ATP1A2: variants seen among roughly 807,000 people sequenced by gnomAD.
ATP1A2 encodes the protein ATPase Na+/K+ transporting subunit alpha 2, also known as sodium/potassium-transporting ATPase subunit alpha-2.
In ATP1A2, 56 loss-of-function variants were observed where a neutral mutation model predicts 113.1. That is an observed-to-expected ratio of 0.49 (90% CI 0.40 to 0.62). ATP1A2 has a LOEUF of 0.62. Ranked by LOEUF, ATP1A2 falls within the 20% of genes least tolerant of loss-of-function variation. The pLI, the probability that ATP1A2 is intolerant of heterozygous loss-of-function variation, is 0.00. For missense variants in ATP1A2, 712 were observed against 1,357.8 expected (o/e 0.52, Z 7.47); for synonymous variants, 490 against 526.8 (o/e 0.93, Z 0.96).
rs1651667900 is a variant in ATP1A2 at position 160,128,805 on chromosome 1, T to C, written c.1171T>C (p.Phe391Leu). ...CCGCATGACCGTCGCCCACATGTGGTTCGACAACCAAATCCATGAGGCTGA... is the reference window on the plus strand; with the variant it reads ...CCGCATGACCGTCGCCCACATGTGGCTCGACAACCAAATCCATGAGGCTGA... The part of the protein sequence containing the change: ...QNRMTVAHMW[F>L]DNQIHEADTT... The change falls in exon 9 of 23, where the codon TTC becomes CTC. Residue 391 changes from phenylalanine to leucine, a missense_variant. Physicochemically the swap from Phe to Leu is conservative, Grantham distance 22. Transcript: ENST00000361216. The C allele has an allele frequency of 6.2e-7, 1 of 1,614,042 alleles. No homozygotes were observed. Among genetic ancestry groups the C allele is most frequent in the African/African-American group, 1.3e-5 (1 of 75,000 alleles).
Position 160,128,852 on chromosome 1 carries a change from T to G in ATP1A2, c.1216+2T>G, listed in dbSNP as rs1558005881. On this transcript the variant is annotated splice_donor_variant, in intron 9 of 22. Transcript: ENST00000361216. LOFTEE classifies it high-confidence loss of function. The stretch of plus-strand genomic sequence containing the variant: ...CTGACACCACCGAAGATCAGTCTGG[T>G]GATTGGGTGCTCCAGAGGGGGTGGA... The G allele has an allele frequency of 3.7e-6, 6 of 1,612,956 alleles. No homozygotes were observed. Among genetic ancestry groups the G allele is most frequent in the Non-Finnish European group, 4.2e-6 (5 of 1,179,634 alleles).
In ATP1A2 at chr1:160,130,201, C is replaced by G; in HGVS notation, c.1561C>G (p.Gln521Glu). 6.2e-7 allele frequency: 1 copy of G among 1,614,206 alleles called. No homozygotes were observed. The highest frequency in any genetic ancestry group is 8.5e-7 in the Non-Finnish European group (1 of 1,180,042). Residue 521 changes from glutamine (Q) to glutamate (E), a missense_variant, in exon 12 of 23, where the codon CAG becomes GAG. Gln to Glu is a conservative substitution (Grantham distance 29, BLOSUM62 2). Around this residue, in one of 6 missense-constraint regions of ATP1A2, gnomAD observed 263 missense variants for 380.6 expected, o/e 0.69. Transcript: ENST00000361216. The stretch of plus-strand genomic sequence containing the variant: ...GGACCGGTGCTCCACCATCCTGGTG[C>G]AGGGCAAGGAGATCCCGCTCGACAA... ...ILDRCSTILV[Q>E]GKEIPLDKEM... is the part of the protein sequence containing the mutation.
At position 160,123,193 on chromosome 1, in the gene ATP1A2, G is replaced by T. The variant is rs1306231956; in HGVS notation, c.178-20G>T. ...GTTGGCTCCGGATGCGTGCCCCTAC[G>T]CCTCTCCTTGCTCCCTCAGGGCCTC... On this transcript the variant is annotated intron_variant, in intron 3 of 22. Transcript: ENST00000361216. 6.2e-7 allele frequency: 1 copy of T among 1,613,720 alleles called. No homozygotes were observed.
In ATP1A2 at chr1:160,141,396, G is replaced by C. The variant is rs769301505; in HGVS notation, c.*74G>C. 2.5e-6 allele frequency: 4 copies of C among 1,589,510 alleles called. No individual in the cohort carries two copies. In the East Asian group the frequency reaches 6.7e-5, roughly 27 times the overall value. The stretch of plus-strand genomic sequence containing the variant: ...TGTTGTGGGGATGGTGATGGAGAGG[G>C]ATGGAAATAACGGGTGGCATTGGGT... On this transcript the variant is annotated 3_prime_UTR_variant, in exon 23 of 23. Coordinates refer to ENST00000361216, the MANE Select transcript of ATP1A2 (RefSeq NM_000702.4).
intron 2 of ATP1A2, 50 bp downstream of exon 2, chr1:160,121,060 G>C: frequency 1.2e-6 from 2 of 1,606,418 alleles, no homozygotes; most frequent in Non-Finnish European, 1.7e-6. Context: ...TGGGAGAGCT[G>C]TCCCTGCAGC....
chr1:160,134,426 C>G, intron 13 of ATP1A2, 58 bp from the exon 14 acceptor site: 1 of 1,612,848 alleles, frequency 6.2e-7, no homozygotes, highest in Non-Finnish European at 8.5e-7. Flanking sequence ...GGGAGAGGAA[C>G]AGGAGGGGGA....
In ATP1A2 at chr1:160,128,638, T is replaced by G. The variant is rs1361240778; in HGVS notation, c.1018-14T>G. The G allele has an allele frequency of 6.2e-7, 1 of 1,614,176 alleles. No homozygotes were observed. Among genetic ancestry groups the G allele is most frequent in the Non-Finnish European group, 8.5e-7 (1 of 1,180,040 alleles). On this transcript the variant is annotated splice_polypyrimidine_tract_variant and intron_variant, in intron 8 of 22. Transcript: ENST00000361216. The stretch of plus-strand genomic sequence containing the variant: ...TCAGCCTTAACCTTTTTTATTCTCC[T>G]CTTTCTCTACCAGGTGTGCCTGACC...
rs768244932 is a variant in ATP1A2 at position 160,128,962 on chromosome 1, C to A, written c.1217-18C>A. ...CTAAAGGGAGCCACGCTCCTGGTTC[C>A]CCCTCATTTCCTCCCAGGGGCCACT... On this transcript the variant is annotated intron_variant, in intron 9 of 22. Coordinates refer to ENST00000361216, the MANE Select transcript of ATP1A2 (RefSeq NM_000702.4). 5 of 1,596,510 alleles carry A rather than the reference C, an allele frequency of 3.1e-6. No homozygotes were observed. Among genetic ancestry groups the A allele is most frequent in the South Asian group, 2.2e-5 (2 of 89,274 alleles).
chr1:160,132,444 G>A lies in ATP1A2; in HGVS notation c.1827+1847G>A, dbSNP rs74625387. Among the ~76,000 whole-genome samples the A allele has an allele frequency of 5.1e-3, 769 of 152,268 alleles. 14 individuals are homozygous for A. The East Asian group carries it at 0.074, about 15-fold the overall frequency. On this transcript the variant is annotated intron_variant, in intron 13 of 22. Coordinates refer to ENST00000361216, the MANE Select transcript of ATP1A2 (RefSeq NM_000702.4). ...GAGTCAGGGAGAGACAGGTTAAGAG[G>A]CCATTGCCATAGTTCAGGCAAAGAA...
intron 3 of ATP1A2, among the ~76,000 whole-genome samples, chr1:160,122,512 G>A (rs1651447193): frequency 1.3e-5 from 2 of 152,084 alleles, no homozygotes; most frequent in Non-Finnish European, 2.9e-5. Flanking sequence ...ATGCAATATG[G>A]TGAGTGCAGC....
chr1:160,122,903 G>A (rs1651461548), intron 3 of ATP1A2, among the ~76,000 whole-genome samples: 1 of 152,172 alleles, frequency 6.6e-6, no homozygotes, highest in East Asian at 1.9e-4. Flanking sequence ...CAGTTGAGGT[G>A]TCTTTCCAGG....
At chr1:160,121,075 T>G (rs898795732) in intron 2 of ATP1A2, 65 bp downstream of exon 2, 2 of 1,605,948 alleles carry the variant, frequency 1.2e-6, no homozygotes, top group Admixed American at 3.3e-5. Flanking sequence ...TGCAGCCCAT[T>G]GCACTCAGAG....
At chr1:160,123,836 G>T in intron 4 of ATP1A2, 107 bp from the exon 5 acceptor site, 2 of 995,094 alleles carry the variant, frequency 2.0e-6, no homozygotes, top group Non-Finnish European at 3.1e-6. Context: ...CACAGACAAA[G>T]GTCTGGGCTG....
chr1:160,133,233 G>A (rs904101752), intron 13 of ATP1A2, among the ~76,000 whole-genome samples: 2 of 152,066 alleles, frequency 1.3e-5, no homozygotes, highest in Admixed American at 6.6e-5. Flanking sequence ...AGAGGTCAAC[G>A]GTGCCAAATG....
At chr1:160,121,345 C>T in intron 3 of ATP1A2, 94 bp downstream of exon 3, 3 of 1,446,026 alleles carry the variant, frequency 2.1e-6, no homozygotes, top group Non-Finnish European at 2.9e-6. Flanking sequence ...ATCCAGCCTT[C>T]TTTACAGATG....
intron 4 of ATP1A2, among the ~76,000 whole-genome samples, chr1:160,123,685 G>C (rs528041577): frequency 6.6e-6 from 1 of 152,324 alleles, no homozygotes; most frequent in South Asian, 2.1e-4. Flanking sequence ...GTGTGCCTGG[G>C]TCTTCATCCC....
chr1:160,117,441 C>G (rs932651725), intron 1 of ATP1A2, among the ~76,000 whole-genome samples: 8 of 152,146 alleles, frequency 5.3e-5, no homozygotes, highest in African/African-American at 1.9e-4. Flanking sequence ...CTTGACTTTT[C>G]CAGTCTGTCT....
intron 4 of ATP1A2, 22 bp from the exon 5 acceptor site, chr1:160,123,921 T>C (rs374303155): frequency 4.2e-5 from 67 of 1,612,348 alleles, no homozygotes; most frequent in Non-Finnish European, 5.3e-5. Context: ...GTCAGGTCCC[T>C]GAAACTCTTT....
At chr1:160,129,999 G>T (rs1271093016) in intron 11 of ATP1A2, 103 bp from the exon 12 acceptor site, 5 of 1,424,236 alleles carry the variant, frequency 3.5e-6, no homozygotes. Flanking sequence ...TCTTTGATGG[G>T]TTGGGGCTAC....
Sources: allele counts gnomAD v4.1 joint callset (sites outside exome capture counted in the v4.1 genomes callset), GRCh38; gene constraint gnomAD v4.1.1; regional missense constraint gnomAD v4.1.1; transcripts MANE v1.5; gene names NCBI Gene and HGNC (gene_info 2026-07-23, HGNC 2026-07-21).